The following NGF variants were observed in gnomAD, a reference collection of about 807,000 sequenced individuals.
The protein encoded by NGF is beta-nerve growth factor.
NGF carries 4 observed loss-of-function variants against 12.8 expected under a neutral mutation model. That is an observed-to-expected ratio of 0.31 (90% CI 0.15 to 0.72). NGF has a LOEUF of 0.72. NGF is among the 30% of genes least tolerant of loss of function. The probability of loss-of-function intolerance (pLI) is 0.69; values close to 1 mark genes in which losing one functional copy is unlikely to be tolerated. For missense variants in NGF, 283 were observed against 330.8 expected (o/e 0.86, Z 1.12); for synonymous variants, 140 against 130.0 (o/e 1.08, Z -0.52).
At chr1:115,323,820 C>T (rs1049919928) in intron 1 of NGF, among the ~76,000 whole-genome samples, 2 of 152,152 alleles carry the variant, frequency 1.3e-5, no homozygotes, top group Non-Finnish European at 2.9e-5. Context: ...GGCAGCAAAA[C>T]GAACCAGAGT....
intron 1 of NGF, among the ~76,000 whole-genome samples, chr1:115,311,548 A>T (rs1654335408): frequency 6.6e-6 from 1 of 152,196 alleles, no homozygotes; most frequent in African/African-American, 2.4e-5. Flanking sequence ...GTAGAGGCTA[A>T]GGATGATGCA....
intron 1 of NGF, among the ~76,000 whole-genome samples, chr1:115,337,261 G>GTTTTTTTTTTTTTT (rs368973980): frequency 8.5e-5 from 1 of 11,758 alleles, no homozygotes; most frequent in Non-Finnish European, 1.9e-4. Flanking sequence ...TTTTTGTTTT[G>GTTTTTTTTTTTTTT]TTTTTGTTTT....
At chr1:115,330,347 T>C (rs989079603) in intron 1 of NGF, among the ~76,000 whole-genome samples, 2 of 152,254 alleles carry the variant, frequency 1.3e-5, no homozygotes, top group Non-Finnish European at 2.9e-5. Flanking sequence ...GCAATTGATG[T>C]ATGCTTTAGC....
chr1:115,331,857 C>T (rs1654930119), intron 1 of NGF, among the ~76,000 whole-genome samples: 1 of 152,182 alleles, frequency 6.6e-6, no homozygotes, highest in Non-Finnish European at 1.5e-5. Flanking sequence ...TGCCCAGTGT[C>T]CCAGGTAGCA....
intron 1 of NGF, among the ~76,000 whole-genome samples, chr1:115,314,723 A>G (rs994609033): frequency 3.3e-5 from 5 of 152,210 alleles, no homozygotes; most frequent in Non-Finnish European, 7.3e-5. Flanking sequence ...TTGAGCAACT[A>G]TTATGCACCA....
chr1:115,305,551 C>A (rs997167156), intron 1 of NGF, among the ~76,000 whole-genome samples: 6 of 152,176 alleles, frequency 3.9e-5, no homozygotes, highest in African/African-American at 9.6e-5. Flanking sequence ...CTTGAACATA[C>A]CTGATTGCTT....
chr1:115,303,001 A>G (rs747758431), intron 1 of NGF, among the ~76,000 whole-genome samples: 4 of 152,182 alleles, frequency 2.6e-5, no homozygotes, highest in Admixed American at 6.5e-5. Context: ...TTCTTTCCAC[A>G]GACCTGATTC....
Position 115,327,154 on chromosome 1 carries a change from C to T in NGF, c.-137+11050G>A, listed in dbSNP as rs940322243. 3.9e-5 allele frequency among the ~76,000 whole-genome samples: 6 copies of T among 152,220 alleles called. No homozygotes were observed. In the East Asian group the frequency reaches 9.7e-4, roughly 25 times the overall value. On this transcript the variant is annotated intron_variant, in intron 1 of 2. Transcript: ENST00000369512. ...AAACTTTTCTAAACACCAGTATTGC[C>T]GGTCAGAATTCTGTAATAGGTTCAT...
chr1:115,311,160 C>T (rs1362736927), intron 1 of NGF, among the ~76,000 whole-genome samples: 2 of 152,170 alleles, frequency 1.3e-5, no homozygotes, highest in Non-Finnish European at 2.9e-5. Flanking sequence ...TGGGAACATA[C>T]TAACTGATAA....
chr1:115,318,877 T>C (rs1269109272), intron 1 of NGF, among the ~76,000 whole-genome samples: 17 of 152,142 alleles, frequency 1.1e-4, no homozygotes, highest in Admixed American at 1.1e-3. Flanking sequence ...GCCACCCAAA[T>C]CACTTCTCAT....
chr1:115,323,880 C>T (rs1002297995), intron 1 of NGF, among the ~76,000 whole-genome samples: 9 of 152,198 alleles, frequency 5.9e-5, no homozygotes, highest in African/African-American at 2.2e-4. Flanking sequence ...CCTGACCATA[C>T]CCTTTCTCTT....
rs542460046 is a variant in NGF at position 115,286,064 on chromosome 1, G to T, written c.*6C>A. 3 of 1,612,364 alleles carry T rather than the reference G, an allele frequency of 1.9e-6. No individual in the cohort carries two copies. The highest frequency in any genetic ancestry group is 2.5e-6 in the Non-Finnish European group (3 of 1,179,376). On this transcript the variant is annotated 3_prime_UTR_variant, in exon 3 of 3. Coordinates refer to ENST00000369512, the MANE Select transcript of NGF (RefSeq NM_002506.3). Reference sequence around the variant, plus strand: ...AAGGGGCAGGGGGAGGGAGCGTGTCGGCAGGTCAGGCTCTTCTCACAGCCT... The same window carrying T: ...AAGGGGCAGGGGGAGGGAGCGTGTCTGCAGGTCAGGCTCTTCTCACAGCCT...
At chr1:115,311,618 CA>C (rs1168339329) in intron 1 of NGF, among the ~76,000 whole-genome samples, 7 of 152,248 alleles carry the variant, frequency 4.6e-5, no homozygotes, top group Non-Finnish European at 4.4e-5. Flanking sequence ...CCCAATATGC[CA>C]GTAGTACAGA....
At chr1:115,313,914 T>C (rs1441872460) in intron 1 of NGF, among the ~76,000 whole-genome samples, 1 of 152,212 alleles carries the variant, frequency 6.6e-6, no homozygotes, top group Non-Finnish European at 1.5e-5. Flanking sequence ...GCCCCACTTA[T>C]AACCCTGAAA....
At chr1:115,312,949 A>AT (rs1363449184) in intron 1 of NGF, among the ~76,000 whole-genome samples, 2 of 152,172 alleles carry the variant, frequency 1.3e-5, no homozygotes, top group Admixed American at 1.3e-4. Flanking sequence ...CCATGGAAAC[A>AT]TTTTTTACTG....
chr1:115,336,841 C>A (rs1041892042), intron 1 of NGF, among the ~76,000 whole-genome samples: 1 of 152,214 alleles, frequency 6.6e-6, no homozygotes, highest in Non-Finnish European at 1.5e-5. Context: ...GTCATTTCTG[C>A]ATTTGCAGAG....
At chr1:115,299,292 T>C (rs537845510) in intron 1 of NGF, among the ~76,000 whole-genome samples, 57 of 152,354 alleles carry the variant, frequency 3.7e-4, no homozygotes, top group African/African-American at 1.3e-3. Context: ...TATGGCTCTT[T>C]GGGAAATTTG....
intron 1 of NGF, among the ~76,000 whole-genome samples, chr1:115,311,365 G>T (rs976154635): frequency 6.6e-5 from 10 of 152,060 alleles, no homozygotes; most frequent in African/African-American, 2.4e-4. Flanking sequence ...ATGCTGAGTG[G>T]CTCTTAAATG....
At chr1:115,299,813 T>A (rs534608172) in intron 1 of NGF, among the ~76,000 whole-genome samples, 5 of 152,212 alleles carry the variant, frequency 3.3e-5, no homozygotes, top group Non-Finnish European at 7.3e-5. Context: ...CACAAAAATC[T>A]ATTTCAGTGA....
Sources: gnomAD v4.1 joint callset for allele counts (sites outside exome capture counted in the v4.1 genomes callset) on GRCh38, gnomAD v4.1.1 for gene constraint, MANE v1.5 for transcripts, NCBI Gene and HGNC (gene_info 2026-07-23, HGNC 2026-07-21) for gene names.